The following C5 variants were observed in gnomAD, a reference collection of about 807,000 sequenced individuals.
C5 encodes complement C5, also known as C3 and PZP-like alpha-2-macroglobulin domain-containing protein 4.
Under a neutral mutation model 218.8 loss-of-function variants are expected in C5, and 140 were observed. The observed-to-expected ratio is 0.64, with a 90% confidence interval of 0.56 to 0.74. C5 has a LOEUF of 0.74. Among genes scored for constraint, C5 ranks in the 30% least tolerant of loss-of-function variants. The pLI is 0.00. For synonymous variants in C5, 614 were observed against 682.3 expected, an observed-to-expected ratio of 0.90 and a Z score of 1.56; for missense variants, 1,700 against 1,969.6, an observed-to-expected ratio of 0.86 and a Z score of 2.59.
At chr9:121,067,231 G>A in the C5 span, among the ~76,000 whole-genome samples, 9 of 151,952 alleles carry the variant, frequency 5.9e-5, no homozygotes, top group South Asian at 1.9e-3. Context: ...TTGCACCATT[G>A]CACTTCAGCC....
chr9:121,019,887 T>C (rs953755799), intron 12 of C5, 89 bp downstream of exon 12: 44 of 829,896 alleles, frequency 5.3e-5, no homozygotes, highest in Admixed American at 4.1e-4. Flanking sequence ...GGAATAAAAG[T>C]ATAAAGGATA....
At chr9:121,058,054 A>T in the C5 span, among the ~76,000 whole-genome samples, 1 of 152,164 alleles carries the variant, frequency 6.6e-6, no homozygotes, top group Non-Finnish European at 1.5e-5. Context: ...AGACCTGTAA[A>T]CTCCACTGCA....
chr9:121,052,923 A>G (rs182800835), upstream of C5, among the ~76,000 whole-genome samples: 122 of 152,376 alleles, frequency 8.0e-4, no homozygotes, highest in African/African-American at 2.8e-3. Flanking sequence ...TTTATCATGT[A>G]TAATTTTCAA....
intron 28 of C5, among the ~76,000 whole-genome samples, chr9:120,977,189 C>T (rs528457203): frequency 6.6e-6 from 1 of 152,264 alleles, no homozygotes; most frequent in East Asian, 1.9e-4. Flanking sequence ...AATTTCACCC[C>T]TGACCTCATG....
intron 22 of C5, among the ~76,000 whole-genome samples, chr9:120,992,708 T>A (rs189764912): frequency 5.1e-4 from 78 of 152,258 alleles, no homozygotes; most frequent in Middle Eastern, 3.4e-3. Flanking sequence ...AGACATCACA[T>A]AAAAAGGCAG....
intron 17 of C5, among the ~76,000 whole-genome samples, chr9:121,013,493 T>C (rs1027826307): frequency 2.6e-5 from 4 of 152,172 alleles, no homozygotes; most frequent in African/African-American, 9.7e-5. Flanking sequence ...CTTTATTTCA[T>C]CAATGTAGAT....
chr9:121,014,125 G>C (rs571947421), intron 16 of C5, 55 bp from the exon 17 acceptor site: 2 of 1,481,194 alleles, frequency 1.4e-6, no homozygotes, highest in Non-Finnish European at 1.9e-6. Flanking sequence ...AACATCTCAG[G>C]CTTAGAAGGA....
intron 5 of C5, among the ~76,000 whole-genome samples, chr9:121,032,607 T>C (rs2047485920): frequency 1.3e-5 from 2 of 152,220 alleles, no homozygotes; most frequent in African/African-American, 4.8e-5. Context: ...ATACAGATGA[T>C]AAAATTTACA....
At chr9:121,009,850 G>T (rs1483821598) in intron 17 of C5, among the ~76,000 whole-genome samples, 1 of 152,240 alleles carries the variant, frequency 6.6e-6, no homozygotes, top group Non-Finnish European at 1.5e-5. Flanking sequence ...TTGGGAGAGG[G>T]AGAGTGCAGT....
At chr9:121,033,218 C>T (rs1165985998) in intron 5 of C5, among the ~76,000 whole-genome samples, 5 of 152,116 alleles carry the variant, frequency 3.3e-5, no homozygotes, top group African/African-American at 9.7e-5. Flanking sequence ...TGTTGAACTG[C>T]TGGTGTGCAA....
chr9:121,034,071 C>T (rs1483343726), intron 5 of C5, among the ~76,000 whole-genome samples: 1 of 152,154 alleles, frequency 6.6e-6, no homozygotes, highest in Non-Finnish European at 1.5e-5. Context: ...CAGGTGCCTG[C>T]CACCACGCCT....
chr9:120,961,186 T>C (rs2046824688), intron 37 of C5, among the ~76,000 whole-genome samples: 1 of 152,144 alleles, frequency 6.6e-6, no homozygotes, highest in South Asian at 2.1e-4. Flanking sequence ...TCTTGTCTTA[T>C]ATGATAAAAA....
At chr9:121,070,247 C>T in the C5 span, among the ~76,000 whole-genome samples, 1 of 151,688 alleles carries the variant, frequency 6.6e-6, no homozygotes, top group African/African-American at 2.4e-5. Context: ...ATCCCAGCTA[C>T]TCGGGAGGCT....
In C5 at chr9:120,980,099, T is replaced by C. The variant is rs758872270; in HGVS notation, c.3642A>G (p.Arg1214=). Residue 1214 remains arginine, a synonymous_variant, in exon 28 of 41, where the codon AGA becomes AGG. Coordinates refer to ENST00000223642, the MANE Select transcript of C5 (RefSeq NM_001735.3). The stretch of plus-strand genomic sequence containing the variant: ...AAGTTATACCTTTAACCAAAGCTTC[T>C]CTCTTCAAAGCTGAAACAATTGAAC... ...QFRSIVSALK[R]EALVKGNPPI... is the part of the protein sequence containing the mutation. 1 of 1,614,112 alleles carries C rather than the reference T, an allele frequency of 6.2e-7. No homozygotes were observed. The highest frequency in any genetic ancestry group is 8.5e-7 in the Non-Finnish European group (1 of 1,180,000).
intron 22 of C5, among the ~76,000 whole-genome samples, chr9:120,993,568 G>A (rs1243499212): frequency 6.6e-6 from 1 of 152,070 alleles, no homozygotes; most frequent in Non-Finnish European, 1.5e-5. Flanking sequence ...GACTACAGGT[G>A]CCCACCACCA....
Position 120,987,445 on chromosome 9 carries a change from C to A in C5, c.3230+1601G>T, listed in dbSNP as rs928490456. ...GGATCACGAGGTCCGGAGATCGAGACCATCCTGGCCAACATGGTGAAACCC... is the reference window on the plus strand; with the variant it reads ...GGATCACGAGGTCCGGAGATCGAGAACATCCTGGCCAACATGGTGAAACCC... On this transcript the variant is annotated intron_variant, in intron 25 of 40. Coordinates refer to ENST00000223642, the MANE Select transcript of C5 (RefSeq NM_001735.3). Among the ~76,000 whole-genome samples the A allele has an allele frequency of 2.0e-5, 3 of 149,680 alleles. No individual in the cohort carries two copies. In the South Asian group the frequency reaches 6.2e-4, roughly 31 times the overall value.
intron 21 of C5, among the ~76,000 whole-genome samples, chr9:120,996,727 G>A (rs41309898): frequency 0.011 from 1,666 of 152,286 alleles, 36 homozygotes; most frequent in African/African-American, 0.038. Flanking sequence ...GAACCACAGT[G>A]CAAGGATGCA....
At chr9:120,987,767 G>A (rs1395433351) in intron 25 of C5, among the ~76,000 whole-genome samples, 1 of 151,862 alleles carries the variant, frequency 6.6e-6, no homozygotes, top group Non-Finnish European at 1.5e-5. Context: ...TAAATATTTT[G>A]TCATAGCATG....
chr9:121,013,660 C>A (rs1449814986), intron 17 of C5, among the ~76,000 whole-genome samples: 1 of 152,104 alleles, frequency 6.6e-6, no homozygotes, highest in African/African-American at 2.4e-5. Flanking sequence ...TAAGGTTATG[C>A]CAGGTCTTAA....
Sources: allele counts gnomAD v4.1 joint callset (sites outside exome capture counted in the v4.1 genomes callset), GRCh38; gene constraint gnomAD v4.1.1; transcripts MANE v1.5; gene names NCBI Gene and HGNC (gene_info 2026-07-23, HGNC 2026-07-21).